The following MMP2 variants were observed in gnomAD, a reference collection of about 807,000 sequenced individuals.
The protein encoded by MMP2 is matrix metallopeptidase 2, also known as 72 kDa type IV collagenase.
In MMP2, 39 loss-of-function variants were observed where a neutral mutation model predicts 74.8. The observed-to-expected ratio is 0.52, with a 90% CI of 0.40 to 0.68. The LOEUF is 0.68. MMP2 is among the 30% of genes least tolerant of loss of function. MMP2 has a pLI of 0.00. For synonymous variants in MMP2, 367 were observed against 339.8 expected (o/e 1.08, Z -0.88); for missense variants, 803 against 878.3 (o/e 0.91, Z 1.08).
rs1259293972 is a variant in MMP2, at chr16:55,505,581, T to C, written c.*139T>C. On this transcript the variant is annotated 3_prime_UTR_variant, in exon 13 of 13. Transcript: ENST00000219070. ...AATCAGCATTCTCACTCCTACCTGG[T>C]AATTTAAGATTCCAGAGAGTGGCTC... The C allele has an allele frequency of 1.4e-5, 10 of 734,978 alleles. No individual in the cohort carries two copies. In the East Asian group the frequency reaches 2.6e-4, roughly 19 times the overall value. The allele number at this position is 734,978 out of a possible 1,614,324, so 45.5% of individuals were successfully genotyped here.
In MMP2 at chr16:55,486,331, G is replaced by GCCTGTGTGTGTGTGCC. The variant is rs1567374959; in HGVS notation, c.832+554_832+555insCCTGTGTGTGTGTGCC. On this transcript the variant is annotated intron_variant, in intron 5 of 12. Coordinates refer to ENST00000219070, the MANE Select transcript of MMP2 (RefSeq NM_004530.6). ...GCTGCCTCTGCTAATGCGTGTGTGT[G>GCCTGTGTGTGTGTGCC]TGTGTGTGTGTGTGCCTGTGTGTGT... 5.5e-4 allele frequency among the ~76,000 whole-genome samples: 75 copies of GCCTGTGTGTGTGTGCC among 135,832 alleles called. 1 individual carries two copies. The highest frequency in any genetic ancestry group is 1.0e-3 in the Non-Finnish European group (64 of 64,000). The allele number at this position is 135,832 out of a possible 152,430, so 89.1% of individuals were successfully genotyped here. A position where few individuals can be genotyped will look rare whatever the true frequency, so the allele number is the denominator to read the frequency against.
In MMP2 at chr16:55,479,395, G is replaced by A. The variant is rs1962037205; in HGVS notation, c.-85G>A. ...CCTCGGAGCGCAGCCCTGCGCCGCG[G>A]AGCAGGCTCCAACCAGGCGGCGAGG... On this transcript the variant is annotated 5_prime_UTR_variant, in exon 1 of 13. Coordinates refer to ENST00000219070, the MANE Select transcript of MMP2 (RefSeq NM_004530.6). The A allele has an allele frequency of 3.7e-6, 5 of 1,367,154 alleles. No individual in the cohort carries two copies. The South Asian group carries it at 6.7e-5, about 18-fold the overall frequency. The allele number at this position is 1,367,154 out of a possible 1,614,324, so 84.7% of individuals were successfully genotyped here.
Position 55,481,599 on chromosome 16 carries a change from AGCCTCATCTTACCCAG to A in MMP2, c.154-1309_154-1294del, listed in dbSNP as rs1310281291. Reference sequence around the variant, plus strand: ...CTGGGAATGAAGCACAGCAGGTCTCAGCCTCATCTTACCCAGCCCCCCACTCAAGATGGAGGTGCCT... The same window carrying A: ...CTGGGAATGAAGCACAGCAGGTCTCACCCCCCACTCAAGATGGAGGTGCCT... On this transcript the variant is annotated intron_variant, in intron 1 of 12. Coordinates refer to ENST00000219070, the MANE Select transcript of MMP2 (RefSeq NM_004530.6). The A allele has an allele frequency of 1.3e-5, 6 of 454,370 alleles. No homozygotes were observed. In the East Asian group the frequency reaches 1.7e-4, roughly 13 times the overall value. The allele number at this position is 454,370 out of a possible 1,614,324, so 28.1% of individuals were successfully genotyped here.
chr16:55,485,892 G>A (rs918672446), intron 5 of MMP2, 115 bp downstream of exon 5: 3 of 1,111,262 alleles, frequency 2.7e-6, no homozygotes, highest in Non-Finnish European at 4.0e-6. Flanking sequence ...GCCAGTTAAT[G>A]AGCATCCCTC....
chr16:55,499,718 T>C (rs540414719), intron 11 of MMP2, among the ~76,000 whole-genome samples: 2 of 152,194 alleles, frequency 1.3e-5, no homozygotes, highest in Non-Finnish European at 2.9e-5. Context: ...TATAGAGATA[T>C]GTGTATTTGC....
rs767135991 is a variant in MMP2, at chr16:55,505,316, G to A, written c.1880-23G>A. 1.4e-5 allele frequency: 22 copies of A among 1,593,544 alleles called. No homozygotes were observed. The East Asian group carries it at 2.0e-4, about 15-fold the overall frequency. ...CAGAATGTCAGGATAAGGGGGTCAC[G>A]GTCTCTTCTTTCTCTATCCCAGGTC... is the stretch of plus-strand genomic sequence containing the variant. On this transcript the variant is annotated intron_variant, in intron 12 of 12. Transcript: ENST00000219070.
At chr16:55,497,290 A>G (rs2142366293) in intron 10 of MMP2, among the ~76,000 whole-genome samples, 1 of 152,138 alleles carries the variant, frequency 6.6e-6, no homozygotes, top group South Asian at 2.1e-4. Flanking sequence ...CTCAGTGTAC[A>G]CATTTCATTT....
At chr16:55,498,948 A>T (rs1315551480) in intron 11 of MMP2, among the ~76,000 whole-genome samples, 2 of 152,162 alleles carry the variant, frequency 1.3e-5, no homozygotes, top group African/African-American at 2.4e-5. Context: ...TGGGTGGATC[A>T]CTTGAGCTCA....
intron 11 of MMP2, 148 bp downstream of exon 11, chr16:55,498,596 G>A: frequency 2.0e-6 from 2 of 982,488 alleles, no homozygotes; most frequent in Non-Finnish European, 3.2e-6. Flanking sequence ...TTGGTCTCTG[G>A]CACCTCTGAG....
intron 12 of MMP2, 129 bp downstream of exon 12, chr16:55,503,017 ACT>A: frequency 4.0e-6 from 3 of 750,582 alleles, no homozygotes; most frequent in Non-Finnish European, 4.6e-6. Flanking sequence ...AAACAAATCA[ACT>A]CCTTCATCCT....
rs1224948594 is a variant in MMP2, at chr16:55,479,694, G to A, written c.153+62G>A. ...GACAAACTTCGGAGGCAAAGGATGG[G>A]GGTGTCTCTCCCCCTGCCCTCGGCG... is the stretch of plus-strand genomic sequence containing the variant. On this transcript the variant is annotated intron_variant, in intron 1 of 12. Coordinates refer to ENST00000219070, the MANE Select transcript of MMP2 (RefSeq NM_004530.6). 3 of 1,607,658 alleles carry A rather than the reference G, an allele frequency of 1.9e-6. No individual in the cohort carries two copies. The African/African-American group carries it at 4.0e-5, about 21-fold the overall frequency.
rs1379678251 is a variant in MMP2, at chr16:55,502,888, G to A, written c.1879G>A (p.Gly627Ser). The change falls in exon 12 of 13, where the codon GGT (glycine) becomes AGT (serine). Residue 627 changes from glycine to serine, a missense_variant and splice_region_variant. Gly to Ser is a moderately conservative substitution (Grantham distance 56). Transcript: ENST00000219070. ...LDAVVDLQGGGHSYFFKGAYY... is the reference protein window; with the variant it reads ...LDAVVDLQGGSHSYFFKGAYY... ...TGCCGTCGTGGACCTGCAGGGCGGCGGTGAGCCACCCAGGACTGTCTCCGC... is the reference window on the plus strand; with the variant it reads ...TGCCGTCGTGGACCTGCAGGGCGGCAGTGAGCCACCCAGGACTGTCTCCGC... The A allele has an allele frequency of 5.0e-6, 8 of 1,612,142 alleles. No homozygotes were observed. The highest frequency in any genetic ancestry group is 1.1e-5 in the South Asian group (1 of 91,036).
rs202060835 is a variant in MMP2 at position 55,502,788 on chromosome 16, G to A, written c.1779G>A (p.Glu593=). The A allele has an allele frequency of 3.8e-5, 61 of 1,613,580 alleles. 1 individual carries two copies. In the East Asian group the frequency reaches 1.3e-3, roughly 34 times the overall value. ...FAGDKFWRYN[E]VKKKMDPGFP... Reference sequence around the variant, plus strand: ...GTCTGTTTCTTTACAGATACAATGAGGTGAAGAAGAAAATGGATCCTGGCT... The same window carrying A: ...GTCTGTTTCTTTACAGATACAATGAAGTGAAGAAGAAAATGGATCCTGGCT... The change falls in exon 12 of 13, where the codon GAG becomes GAA. Residue 593 remains glutamate (E), a synonymous_variant. Transcript: ENST00000219070.
intron 12 of MMP2, among the ~76,000 whole-genome samples, chr16:55,503,551 C>A (rs1291716473): frequency 4.0e-5 from 6 of 151,820 alleles, no homozygotes; most frequent in African/African-American, 1.5e-4. Flanking sequence ...AGGCCCTGAC[C>A]TCCAGTAGCT....
chr16:55,481,428 C>T (rs1962096615), intron 1 of MMP2: 1 of 164,386 alleles, frequency 6.1e-6, no homozygotes, highest in South Asian at 1.9e-4. Context: ...ACTTTCATTG[C>T]AGTCTTGGTT....
chr16:55,505,813 A>T lies in MMP2; in HGVS notation c.*371A>T. On this transcript the variant is annotated 3_prime_UTR_variant, in exon 13 of 13. Transcript: ENST00000219070. Reference sequence around the variant, plus strand: ...CTCACAGAACCCTTGGAGCCAATGGAGACTGTCTCAAGAGGGCACTGGTGG... The same window carrying T: ...CTCACAGAACCCTTGGAGCCAATGGTGACTGTCTCAAGAGGGCACTGGTGG... 5.9e-6 allele frequency: 2 copies of T among 336,394 alleles called. No individual in the cohort carries two copies. The highest frequency in any genetic ancestry group is 7.1e-5 in the East Asian group (1 of 14,132). The allele number at this position is 336,394 out of a possible 1,614,324, so 20.8% of individuals were successfully genotyped here.
rs1962776969 is a variant in MMP2 at position 55,505,471 on chromosome 16, T to C, written c.*29T>C. ...GGCCCTGGCTCCCACAGGCCCTTCC[T>C]CTCCACTGCCTTCGATACACCGGGC... On this transcript the variant is annotated 3_prime_UTR_variant, in exon 13 of 13. Coordinates refer to ENST00000219070, the MANE Select transcript of MMP2 (RefSeq NM_004530.6). 6.3e-7 allele frequency: 1 copy of C among 1,588,034 alleles called. No homozygotes were observed. Among genetic ancestry groups the C allele is most frequent in the African/African-American group, 1.3e-5 (1 of 74,326 alleles).
Position 55,498,358 on chromosome 16 carries a change from G to A in MMP2, c.1679G>A (p.Gly560Glu). The A allele has an allele frequency of 6.2e-7, 1 of 1,614,260 alleles. No homozygotes were observed. Among genetic ancestry groups the A allele is most frequent in the Non-Finnish European group, 8.5e-7 (1 of 1,180,042 alleles). Reference sequence around the variant, plus strand: ...TACCCCAAGCCACTGACCAGCCTGGGACTGCCCCCTGATGTCCAGCGAGTG... The same window carrying A: ...TACCCCAAGCCACTGACCAGCCTGGAACTGCCCCCTGATGTCCAGCGAGTG... ...RGYPKPLTSL[G>E]LPPDVQRVDA... is the part of the protein sequence containing the mutation. The change falls in exon 11 of 13, where the codon GGA becomes GAA. Residue 560 changes from glycine to glutamate, a missense_variant. Gly to Glu is a moderately conservative substitution (Grantham distance 98). Around this residue, in one of 3 missense-constraint regions of MMP2, gnomAD observed 555 missense variants for 592.0 expected, o/e 0.94. Coordinates refer to ENST00000219070, the MANE Select transcript of MMP2 (RefSeq NM_004530.6).
rs1227348248 is a variant in MMP2, at chr16:55,479,646, C to A, written c.153+14C>A. On this transcript the variant is annotated intron_variant, in intron 1 of 12. Transcript: ENST00000219070. ...GAGTTGGCAGTGGTGAGTTGCTGCG[C>A]TGGCCTCAAGGAACCACGTTTAGAC... The A allele has an allele frequency of 5.0e-6, 8 of 1,613,698 alleles. No individual in the cohort carries two copies. Among genetic ancestry groups the A allele is most frequent in the Non-Finnish European group, 6.8e-6 (8 of 1,179,984 alleles).
Sources: allele counts gnomAD v4.1 joint callset (sites outside exome capture counted in the v4.1 genomes callset), GRCh38; gene constraint gnomAD v4.1.1; regional missense constraint gnomAD v4.1.1; transcripts MANE v1.5; gene names NCBI Gene and HGNC (gene_info 2026-07-23, HGNC 2026-07-21).